Variants in SDK1 observed in about 807,000 individuals in gnomAD.
The protein encoded by SDK1 is sidekick cell adhesion molecule 1.
Under a neutral mutation model 245.5 loss-of-function variants are expected in SDK1, and 157 were observed. The ratio of observed to expected loss-of-function variants is 0.64; its 90% CI spans 0.56 to 0.73. The LOEUF is 0.73. SDK1 is among the 30% of genes least tolerant of loss of function. The pLI is 0.00. For synonymous variants in SDK1, 1,647 were observed against 1,278.5 expected, an observed-to-expected ratio of 1.29 and a Z score of -6.15; for missense variants, 3,583 against 3,002.3, an observed-to-expected ratio of 1.19 and a Z score of -4.52.
At chr7:3,836,130 G>C (rs547930121) in intron 5 of SDK1, among the ~76,000 whole-genome samples, 55 of 152,296 alleles carry the variant, frequency 3.6e-4, no homozygotes, top group South Asian at 1.9e-3. Context: ...CATGAGCAGG[G>C]CCCTTTGTGG....
intron 5 of SDK1, among the ~76,000 whole-genome samples, chr7:3,851,480 C>G (rs920820521): frequency 2.0e-5 from 3 of 152,078 alleles, no homozygotes; most frequent in African/African-American, 7.2e-5. Flanking sequence ...TGTTTATGTT[C>G]TTGCTTTGTC....
At chr7:3,895,425 G>C (rs1781577663) in intron 5 of SDK1, among the ~76,000 whole-genome samples, 1 of 152,160 alleles carries the variant, frequency 6.6e-6, no homozygotes, top group Non-Finnish European at 1.5e-5. Context: ...CTGCTAAGTA[G>C]GGCTTCCAAG....
chr7:3,386,869 C>A (rs182622235), intron 1 of SDK1, among the ~76,000 whole-genome samples: 2 of 152,134 alleles, frequency 1.3e-5, no homozygotes, highest in Non-Finnish European at 2.9e-5. Flanking sequence ...TATGTCATAA[C>A]TAACACAAGG....
At chr7:4,152,952 A>C (rs906763557) in intron 30 of SDK1, among the ~76,000 whole-genome samples, 5 of 152,172 alleles carry the variant, frequency 3.3e-5, no homozygotes, top group Admixed American at 6.5e-5. Flanking sequence ...GAGACGGGGT[A>C]GCCACCCACA....
At chr7:3,371,801 T>A (rs1781234606) in intron 1 of SDK1, among the ~76,000 whole-genome samples, 1 of 152,158 alleles carries the variant, frequency 6.6e-6, no homozygotes, top group South Asian at 2.1e-4. Flanking sequence ...AAAACCACAA[T>A]TAAATTGACT....
intron 1 of SDK1, among the ~76,000 whole-genome samples, chr7:3,531,568 C>T (rs1251179494): frequency 2.0e-5 from 3 of 152,082 alleles, no homozygotes; most frequent in East Asian, 3.8e-4. Context: ...AAATTTGTGC[C>T]ACTACCTAAG....
At chr7:3,578,061 C>T (rs949482612) in intron 1 of SDK1, among the ~76,000 whole-genome samples, 1 of 151,918 alleles carries the variant, frequency 6.6e-6, no homozygotes, top group Non-Finnish European at 1.5e-5. Flanking sequence ...TTGTATTCAT[C>T]TTGTATATTT....
intron 20 of SDK1, among the ~76,000 whole-genome samples, chr7:4,076,686 C>G (rs1369282707): frequency 3.3e-5 from 5 of 152,194 alleles, no homozygotes; most frequent in African/African-American, 1.2e-4. Context: ...TGTTTCAGTT[C>G]ACGCACCTGG....
intron 32 of SDK1, among the ~76,000 whole-genome samples, chr7:4,171,073 G>A (rs1282183140): frequency 1.3e-5 from 2 of 152,178 alleles, no homozygotes; most frequent in East Asian, 3.8e-4. Context: ...GTCAGGTTTG[G>A]ATTTTATTGT....
chr7:3,756,008 CCT>C (rs1167187215), intron 4 of SDK1, among the ~76,000 whole-genome samples: 3 of 149,996 alleles, frequency 2.0e-5, no homozygotes, highest in Admixed American at 2.0e-4. Context: ...ATGTTTTGAC[CCT>C]GACTCCTTTC....
intron 1 of SDK1, among the ~76,000 whole-genome samples, chr7:3,491,716 A>G (rs913829272): frequency 3.2e-4 from 48 of 152,236 alleles, no homozygotes; most frequent in Admixed American, 2.0e-4. Context: ...TCTTTGCTCT[A>G]CTGAAGGTAA....
chr7:4,130,828 C>T (rs927515325), intron 27 of SDK1, among the ~76,000 whole-genome samples: 8 of 152,140 alleles, frequency 5.3e-5, no homozygotes, highest in Admixed American at 2.0e-4. Context: ...GGATCTCTCC[C>T]GCCACAACAC....
At chr7:3,677,884 C>T (rs1053030035) in intron 4 of SDK1, among the ~76,000 whole-genome samples, 1 of 152,082 alleles carries the variant, frequency 6.6e-6, no homozygotes, top group Non-Finnish European at 1.5e-5. Flanking sequence ...TACAAAACTC[C>T]ATAGAATCTG....
rs745864749 is a variant in SDK1, at chr7:4,178,452, G to A, written c.4997-33G>A. On this transcript the variant is annotated intron_variant, in intron 34 of 44. Transcript: ENST00000404826. ...TGGAGAAAGAGAAGGTGGTCCTGGT[G>A]GAAGCTGATCCATATTTCCTTCAAC... 4.7e-6 allele frequency: 7 copies of A among 1,493,800 alleles called. No individual in the cohort carries two copies. In the African/African-American group the frequency reaches 8.3e-5, roughly 18 times the overall value. The allele number at this position is 1,493,800 out of a possible 1,614,324, so 92.5% of individuals were successfully genotyped here. A position where few individuals can be genotyped will look rare whatever the true frequency, so the allele number is the denominator to read the frequency against.
chr7:3,606,844 GA>G (rs5881994), intron 1 of SDK1, among the ~76,000 whole-genome samples: 27,722 of 148,302 alleles, frequency 0.19, 3,062 homozygotes, highest in South Asian at 0.29. Flanking sequence ...GTGTCTTCCT[GA>G]AAAAAAAAAT....
At chr7:3,670,564 G>A (rs1783667544) in intron 4 of SDK1, among the ~76,000 whole-genome samples, 1 of 152,198 alleles carries the variant, frequency 6.6e-6, no homozygotes, top group East Asian at 1.9e-4. Flanking sequence ...TGAATTAAAT[G>A]AGATGAAACG....
intron 4 of SDK1, among the ~76,000 whole-genome samples, chr7:3,790,206 G>C (rs1439047093): frequency 6.6e-6 from 1 of 152,180 alleles, no homozygotes; most frequent in Non-Finnish European, 1.5e-5. Context: ...TCACAGTTTA[G>C]AAGCCAGGGG....
At chr7:3,509,234 G>A in intron 1 of SDK1, among the ~76,000 whole-genome samples, 1 of 152,126 alleles carries the variant, frequency 6.6e-6, no homozygotes, top group East Asian at 1.9e-4. Flanking sequence ...TACCACTTCT[G>A]TTACAGATGC....
intron 1 of SDK1, among the ~76,000 whole-genome samples, chr7:3,389,087 A>G (rs577404167): frequency 2.7e-3 from 408 of 152,286 alleles, no homozygotes; most frequent in African/African-American, 9.2e-3. Flanking sequence ...CAGAAGGACC[A>G]CAAGGAATGA....
Sources: gnomAD v4.1 joint callset for allele counts (sites outside exome capture counted in the v4.1 genomes callset) on GRCh38, gnomAD v4.1.1 for gene constraint, MANE v1.5 for transcripts, NCBI Gene and HGNC (gene_info 2026-07-23, HGNC 2026-07-21) for gene names.